The following NTRK3 variants were observed in gnomAD, a reference collection of about 807,000 sequenced individuals.
NTRK3 encodes the protein NT-3 growth factor receptor.
A neutral mutation model predicts 91.7 loss-of-function variants in NTRK3; 24 were observed. The ratio of observed to expected loss-of-function variants is 0.26; its 90% CI spans 0.19 to 0.37. The LOEUF is 0.37. Among genes scored for constraint, NTRK3 ranks in the 10% least tolerant of loss-of-function variants. The probability of loss-of-function intolerance (pLI) is 1.00; values close to 1 mark genes in which losing one functional copy is unlikely to be tolerated. For missense variants in NTRK3, 880 were observed against 1,068.9 expected (o/e 0.82, Z 2.46); for synonymous variants, 483 against 404.0 (o/e 1.20, Z -2.34).
intron 11 of NTRK3, 38 bp from the exon 12 acceptor site, chr15:88,127,264 T>C: frequency 1.9e-6 from 3 of 1,584,534 alleles, no homozygotes; most frequent in South Asian, 2.2e-5. Context: ...GACAGTTAGC[T>C]TCCCGGCTGG....
intron 3 of NTRK3, among the ~76,000 whole-genome samples, chr15:88,199,305 A>G (rs2048090596): frequency 6.6e-6 from 1 of 152,020 alleles, no homozygotes; most frequent in South Asian, 2.1e-4. Flanking sequence ...CTCCCAGGAC[A>G]CTCATCATGT....
intron 14 of NTRK3, among the ~76,000 whole-genome samples, chr15:87,946,425 G>A (rs955031997): frequency 2.6e-5 from 4 of 152,188 alleles, no homozygotes; most frequent in African/African-American, 9.7e-5. Flanking sequence ...GTGAGTGTGT[G>A]CACTCAGTCA....
intron 13 of NTRK3, among the ~76,000 whole-genome samples, chr15:88,059,061 C>T (rs1028152389): frequency 2.6e-5 from 4 of 151,896 alleles, no homozygotes; most frequent in African/African-American, 9.7e-5. Flanking sequence ...CACACACACA[C>T]ACACACACAC....
At chr15:88,161,331 C>G (rs1223244430) in intron 5 of NTRK3, among the ~76,000 whole-genome samples, 2 of 152,130 alleles carry the variant, frequency 1.3e-5, no homozygotes, top group African/African-American at 2.4e-5. Context: ...AGGGATTGAA[C>G]CCCAGCAGTC....
chr15:88,204,220 G>A (rs955729058), intron 3 of NTRK3, among the ~76,000 whole-genome samples: 3 of 152,180 alleles, frequency 2.0e-5, no homozygotes, highest in Non-Finnish European at 4.4e-5. Context: ...GGATTCCGCA[G>A]CAGTTGCTCT....
chr15:87,874,207 A>AAT lies in NTRK3; in HGVS notation c.*2726_*2727dup, dbSNP rs2064891787. 1.3e-5 allele frequency: 3 copies of AAT among 230,524 alleles called. No homozygotes were observed. The East Asian group carries it at 1.8e-4, about 14-fold the overall frequency. 14.3% of individuals were successfully genotyped at this position (230,524 alleles called of 1,614,324 possible). The stretch of plus-strand genomic sequence containing the variant: ...TCTGCCTCCTTTACTCTCCAAAATA[A>AAT]ATCTTTTTTTTTTAATCTGCCAAGG... On this transcript the variant is annotated 3_prime_UTR_variant, in exon 19 of 19. Coordinates refer to ENST00000394480, the Ensembl canonical transcript of NTRK3.
intron 14 of NTRK3, among the ~76,000 whole-genome samples, chr15:88,015,109 T>C (rs1277277412): frequency 6.6e-6 from 1 of 152,212 alleles, no homozygotes; most frequent in East Asian, 1.9e-4. Context: ...GGTCTCTCTA[T>C]GTCTGCCTGG....
chr15:88,153,042 C>T (rs998206704), intron 5 of NTRK3, among the ~76,000 whole-genome samples: 1 of 152,300 alleles, frequency 6.6e-6, no homozygotes, highest in African/African-American at 2.4e-5. Flanking sequence ...TTGGTGCATC[C>T]AGCACAGCTA....
chr15:87,971,951 G>A (rs771054419), intron 14 of NTRK3, among the ~76,000 whole-genome samples: 37 of 152,176 alleles, frequency 2.4e-4, no homozygotes, highest in Non-Finnish European at 4.1e-4. Flanking sequence ...ACGACATTAC[G>A]AGGTCCCAAA....
chr15:88,239,458 T>C (rs1309795517), intron 3 of NTRK3, among the ~76,000 whole-genome samples: 1 of 152,148 alleles, frequency 6.6e-6, no homozygotes, highest in Non-Finnish European at 1.5e-5. Context: ...TTACTCTACC[T>C]CCCAGATCAT....
At chr15:88,169,987 C>G (rs977683043) in intron 5 of NTRK3, among the ~76,000 whole-genome samples, 1 of 152,222 alleles carries the variant, frequency 6.6e-6, no homozygotes, top group Non-Finnish European at 1.5e-5. Flanking sequence ...CATCTCTACA[C>G]GCTGTCTCCC....
rs2054008447 is a variant in NTRK3 at position 88,255,869 on chromosome 15, C to CG, written c.248+36dup. ...GTGGGCAGGAGGGAGACGCAGAGCG[C>CG]GGGGGAGGCAGGCTGGGGAGCGGCC... On this transcript the variant is annotated intron_variant, in intron 3 of 18. Transcript: ENST00000394480. This position sits in a 1 kb window ranked among gnomAD's most constrained non-coding sequence, Gnocchi z 4.3. 4 of 1,579,794 alleles carry CG rather than the reference C, an allele frequency of 2.5e-6. No individual in the cohort carries two copies. Among genetic ancestry groups the CG allele is most frequent in the Non-Finnish European group, 3.5e-6 (4 of 1,158,340 alleles).
intron 13 of NTRK3, among the ~76,000 whole-genome samples, chr15:88,059,614 G>A (rs557498275): frequency 2.4e-4 from 36 of 152,186 alleles, no homozygotes; most frequent in Admixed American, 5.9e-4. Flanking sequence ...ACATGCTGCC[G>A]GGAAGTTTGC....
chr15:88,199,355 C>A (rs1257503515), intron 3 of NTRK3, among the ~76,000 whole-genome samples: 1 of 152,226 alleles, frequency 6.6e-6, no homozygotes, highest in Non-Finnish European at 1.5e-5. Flanking sequence ...CTCCACAAGA[C>A]TCCATGATCC....
intron 14 of NTRK3, among the ~76,000 whole-genome samples, chr15:87,974,420 C>T (rs1305455408): frequency 6.6e-6 from 1 of 151,952 alleles, no homozygotes; most frequent in African/African-American, 2.4e-5. Flanking sequence ...CAGACAAGGC[C>T]CTTTCTTCTA....
At chr15:87,930,084 C>T (rs2068660784) in intron 16 of NTRK3, among the ~76,000 whole-genome samples, 1 of 152,174 alleles carries the variant, frequency 6.6e-6, no homozygotes, top group African/African-American at 2.4e-5. Flanking sequence ...AGGGCTGATG[C>T]TGGCAGTCCA....
At chr15:88,137,336 C>T in intron 7 of NTRK3, 68 bp downstream of exon 7, 1 of 1,581,056 alleles carries the variant, frequency 6.3e-7, no homozygotes, top group Non-Finnish European at 8.6e-7. Flanking sequence ...AGGTAACGTC[C>T]AGCACCATCT....
rs187287677 is a variant in NTRK3 at position 88,035,607 on chromosome 15, A to T, written c.1397-2562T>A. On this transcript the variant is annotated intron_variant, in intron 13 of 18. Transcript: ENST00000394480. ...TTGGCAAGCCCTACCCACGCACACA[A>T]GGCAGAATCGCACTAGCTTTCTAGG... is the stretch of plus-strand genomic sequence containing the variant. Among the ~76,000 whole-genome samples the T allele has an allele frequency of 2.5e-4, 38 of 152,320 alleles. 1 individual carries two copies. The highest frequency in any genetic ancestry group is 9.1e-4 in the African/African-American group (38 of 41,574).
chr15:88,114,789 C>CT (rs1307942824), intron 13 of NTRK3, among the ~76,000 whole-genome samples: 1 of 152,188 alleles, frequency 6.6e-6, no homozygotes, highest in Non-Finnish European at 1.5e-5. Flanking sequence ...ACTCCATTAT[C>CT]TTTTATACTA....
Sources: gnomAD v4.1 joint callset for allele counts (sites outside exome capture counted in the v4.1 genomes callset) on GRCh38, gnomAD v4.1.1 for gene constraint, Gnocchi (gnomAD v3.1) non-coding constraint, MANE v1.5 for transcripts, NCBI Gene and HGNC (gene_info 2026-07-23, HGNC 2026-07-21) for gene names.